The following BIRC6 variants were observed in gnomAD, a reference collection of about 807,000 sequenced individuals.
BIRC6 encodes baculoviral IAP repeat containing 6.
A neutral mutation model predicts 503.3 loss-of-function variants in BIRC6; 98 were observed. The ratio of observed to expected loss-of-function variants is 0.19; its 90% CI spans 0.17 to 0.23. BIRC6 has a LOEUF of 0.23. Among genes scored for constraint, BIRC6 ranks in the 10% least tolerant of loss-of-function variants. BIRC6 has a pLI of 1.00. For missense variants in BIRC6, 5,360 were observed against 5,806.0 expected, an observed-to-expected ratio of 0.92 and a Z score of 2.50; for synonymous variants, 2,240 against 2,078.7, an observed-to-expected ratio of 1.08 and a Z score of -2.11.
rs1033975389 is a variant in BIRC6 at position 32,499,430 on chromosome 2, G to A, written c.8469-117G>A. On this transcript the variant is annotated intron_variant, in intron 45 of 73. Coordinates refer to ENST00000421745, the MANE Select transcript of BIRC6 (RefSeq NM_016252.4). ...TATCAAGAATTTGTTTAACTTTCTTGTATTGTGATAAGTTACTACTTTCAG... is the reference window on the plus strand; with the variant it reads ...TATCAAGAATTTGTTTAACTTTCTTATATTGTGATAAGTTACTACTTTCAG... 4.6e-6 allele frequency: 4 copies of A among 876,410 alleles called. No individual in the cohort carries two copies. In the African/African-American group the frequency reaches 6.8e-5, roughly 15 times the overall value. 54.3% of individuals were successfully genotyped at this position (876,410 alleles called of 1,614,324 possible). A position where few individuals can be genotyped will look rare whatever the true frequency, so the allele number is the denominator to read the frequency against.
intron 8 of BIRC6, 48 bp from the exon 9 acceptor site, chr2:32,406,451 T>C: frequency 7.2e-7 from 1 of 1,386,218 alleles, no homozygotes; most frequent in South Asian, 1.2e-5. Context: ...TCATATGATG[T>C]ATACTTTTTT....
chr2:32,456,620 G>A (rs2047292896), intron 23 of BIRC6, among the ~76,000 whole-genome samples: 1 of 152,090 alleles, frequency 6.6e-6, no homozygotes, highest in African/African-American at 2.4e-5. Context: ...TATTGATCTT[G>A]CAAATTTGTT....
chr2:32,482,454 A>T lies in BIRC6; in HGVS notation c.7568A>T (p.Tyr2523Phe). 6.2e-7 allele frequency: 1 copy of T among 1,613,856 alleles called. No individual in the cohort carries two copies. Among genetic ancestry groups the T allele is most frequent in the Middle Eastern group, 1.7e-4 (1 of 6,058 alleles). ...FKPISSTWYD[Y>F]WGADYGTYNY... The stretch of plus-strand genomic sequence containing the variant: ...CCAATAAGCAGTACATGGTATGATT[A>T]TTGGGGTGCTGATTATGGGACCTAC... The change falls in exon 39 of 74, where the codon TAT becomes TTT. Residue 2523 changes from tyrosine (Y) to phenylalanine (F), a missense_variant. Tyr to Phe is a conservative substitution (Grantham distance 22, BLOSUM62 3). This residue lies in a region of BIRC6 where 2,299 missense variants were observed against 2,267.2 expected (regional missense o/e 1.01). Transcript: ENST00000421745.
At position 32,357,735 on chromosome 2, in the gene BIRC6, G is replaced by C. The variant is rs963492907; in HGVS notation, c.325+249G>C. On this transcript the variant is annotated intron_variant, in intron 1 of 73. Transcript: ENST00000421745. The surrounding 1 kb of genome is among the most constrained non-coding windows in gnomAD (Gnocchi z 4.9). Reference sequence around the variant, plus strand: ...GGAGGGGAGTTGCCTTTCGGGCCTGGAGCGTCCGGTCTGGCTTGGTCCTCC... The same window carrying C: ...GGAGGGGAGTTGCCTTTCGGGCCTGCAGCGTCCGGTCTGGCTTGGTCCTCC... Among the ~76,000 whole-genome samples the C allele has an allele frequency of 2.6e-5, 4 of 152,162 alleles. No individual in the cohort carries two copies. Among genetic ancestry groups the C allele is most frequent in the Non-Finnish European group, 5.9e-5 (4 of 68,028 alleles).
At chr2:32,503,945 G>A (rs971154752) in intron 49 of BIRC6, among the ~76,000 whole-genome samples, 3 of 146,834 alleles carry the variant, frequency 2.0e-5, no homozygotes, top group Non-Finnish European at 3.0e-5. Flanking sequence ...AGTGTCTCCC[G>A]GGTTCAGGCA....
intron 62 of BIRC6, among the ~76,000 whole-genome samples, chr2:32,544,347 CAT>C (rs978668675): frequency 2.0e-5 from 3 of 151,810 alleles, no homozygotes; most frequent in Admixed American, 6.6e-5. Context: ...TTAATGATAA[CAT>C]AGAATAATAA....
rs1172784202 is a variant in BIRC6 at position 32,574,867 on chromosome 2, G to C, written c.13145-289G>C. 4 of 393,712 alleles carry C rather than the reference G, an allele frequency of 1.0e-5. No homozygotes were observed. The Admixed American group carries it at 1.5e-4, about 15-fold the overall frequency. 24.4% of individuals were successfully genotyped at this position (393,712 alleles called of 1,614,324 possible). ...AGGTTCAAACAGTTCTCCTGCCTCA[G>C]CCTCCGAGTAGCTGAGATTACAGGC... is the stretch of plus-strand genomic sequence containing the variant. On this transcript the variant is annotated intron_variant, in intron 65 of 73. Coordinates refer to ENST00000421745, the MANE Select transcript of BIRC6 (RefSeq NM_016252.4).
At chr2:32,358,535 T>G (rs1372827991) in intron 1 of BIRC6, among the ~76,000 whole-genome samples, 1 of 152,188 alleles carries the variant, frequency 6.6e-6, no homozygotes, top group Non-Finnish European at 1.5e-5. Context: ...TATGAGTGAA[T>G]CGGACTCCTG....
At chr2:32,430,061 A>T (rs1356703483) in intron 11 of BIRC6, among the ~76,000 whole-genome samples, 1 of 152,210 alleles carries the variant, frequency 6.6e-6, no homozygotes, top group Non-Finnish European at 1.5e-5. Context: ...TTTACAAACT[A>T]AGCAGATTTA....
intron 68 of BIRC6, among the ~76,000 whole-genome samples, chr2:32,595,686 T>C (rs2061632078): frequency 6.6e-6 from 1 of 152,244 alleles, no homozygotes; most frequent in Non-Finnish European, 1.5e-5. Context: ...TATTATTGTC[T>C]ATGCTGCTTT....
intron 21 of BIRC6, among the ~76,000 whole-genome samples, chr2:32,446,282 C>T (rs1030892852): frequency 6.6e-6 from 1 of 152,274 alleles, no homozygotes; most frequent in African/African-American, 2.4e-5. Context: ...TTTCTCTGTG[C>T]ACTTTATAGG....
chr2:32,361,273 A>G (rs1332408447), intron 1 of BIRC6, among the ~76,000 whole-genome samples: 1 of 152,042 alleles, frequency 6.6e-6, no homozygotes, highest in Non-Finnish European at 1.5e-5. Context: ...TTTTGATTGG[A>G]TGCATATATA....
In BIRC6 at chr2:32,549,347, C is replaced by A; in HGVS notation, c.13010C>A (p.Ala4337Glu). The A allele has an allele frequency of 6.8e-7, 1 of 1,474,832 alleles. No homozygotes were observed. Among genetic ancestry groups the A allele is most frequent in the South Asian group, 1.5e-5 (1 of 67,446 alleles). 91.4% of individuals were successfully genotyped at this position (1,474,832 alleles called of 1,614,324 possible). A position where few individuals can be genotyped will look rare whatever the true frequency, so the allele number is the denominator to read the frequency against. Residue 4337 changes from alanine to glutamate, a missense_variant, in exon 65 of 74, where the codon GCG becomes GAG. Coordinates refer to ENST00000421745, the MANE Select transcript of BIRC6 (RefSeq NM_016252.4). ...AGTTACATAAATCCCGTCAGTAGTG[C>A]GGTAAATGGAGAAGCTCAGTCATCT... The part of the protein sequence containing the change: ...LASYINPVSS[A>E]VNGEAQSSHE...
At chr2:32,448,961 A>C in intron 22 of BIRC6, 33 bp downstream of exon 22, 1 of 1,590,248 alleles carries the variant, frequency 6.3e-7, no homozygotes, top group Non-Finnish European at 8.6e-7. Context: ...GAAATTCTGA[A>C]TGTTGTATCT....
intron 42 of BIRC6, among the ~76,000 whole-genome samples, chr2:32,489,364 A>C (rs1361955258): frequency 6.6e-6 from 1 of 152,076 alleles, no homozygotes; most frequent in East Asian, 1.9e-4. Context: ...GATTCTACTT[A>C]CATCTGCACT....
Position 32,439,359 on chromosome 2 carries a change from A to C in BIRC6, c.3632-149A>C, listed in dbSNP as rs377665556. ...GCTGACAGCGTGTGAAGGTGGTTCA[A>C]CTTTCTTCTGCTCAAACAGTATAAT... is the stretch of plus-strand genomic sequence containing the variant. On this transcript the variant is annotated intron_variant, in intron 15 of 73. Coordinates refer to ENST00000421745, the MANE Select transcript of BIRC6 (RefSeq NM_016252.4). 12 of 747,888 alleles carry C rather than the reference A, an allele frequency of 1.6e-5. No homozygotes were observed. In the Admixed American group the frequency reaches 1.6e-4, roughly 10 times the overall value. The allele number at this position is 747,888 out of a possible 1,614,324, so 46.3% of individuals were successfully genotyped here. A position where few individuals can be genotyped will look rare whatever the true frequency, so the allele number is the denominator to read the frequency against.
Position 32,470,144 on chromosome 2 carries a change from CTTTTTTGTTTGTT to C in BIRC6, c.6348-21_6348-9del. The C allele has an allele frequency of 9.0e-6, 13 of 1,451,930 alleles. No homozygotes were observed. The highest frequency in any genetic ancestry group is 1.1e-5 in the Non-Finnish European group (12 of 1,098,850). 89.9% of individuals were successfully genotyped at this position (1,451,930 alleles called of 1,614,324 possible). A position where few individuals can be genotyped will look rare whatever the true frequency, so the allele number is the denominator to read the frequency against. On this transcript the variant is annotated splice_polypyrimidine_tract_variant and intron_variant, in intron 30 of 73. Coordinates refer to ENST00000421745, the MANE Select transcript of BIRC6 (RefSeq NM_016252.4). ...CAATCGAATTGATTCTTATTCTTTT[CTTTTTTGTTTGTT>C]TTGTTTTTAGGGTCTTCATGTTACT...
intron 15 of BIRC6, among the ~76,000 whole-genome samples, chr2:32,436,783 G>A (rs2044756375): frequency 1.3e-5 from 2 of 151,900 alleles, no homozygotes; most frequent in South Asian, 4.1e-4. Context: ...AAGCTGGTCT[G>A]GAACTCCTGA....
chr2:32,479,877 T>A (rs570613134), intron 37 of BIRC6, among the ~76,000 whole-genome samples: 13 of 152,234 alleles, frequency 8.5e-5, no homozygotes, highest in African/African-American at 3.1e-4. Flanking sequence ...GTAGAAAACA[T>A]GTAAAAATAC....
Sources: gnomAD v4.1 joint callset for allele counts (sites outside exome capture counted in the v4.1 genomes callset) on GRCh38, gnomAD v4.1.1 for gene constraint, gnomAD v4.1.1 regional missense constraint, Gnocchi (gnomAD v3.1) non-coding constraint, MANE v1.5 for transcripts, NCBI Gene and HGNC (gene_info 2026-07-23, HGNC 2026-07-21) for gene names.